NDFIP2: variants seen among roughly 807,000 people sequenced by gnomAD.
NDFIP2 encodes the protein NEDD4 family-interacting protein 2.
Under a neutral mutation model 36.0 loss-of-function variants are expected in NDFIP2, and 19 were observed. That is an observed-to-expected ratio of 0.53 (90% CI 0.37 to 0.77). NDFIP2 has a LOEUF of 0.77. NDFIP2 is among the 30% of genes least tolerant of loss of function. The pLI, the probability that NDFIP2 is intolerant of heterozygous loss-of-function variation, is 0.00. For synonymous variants in NDFIP2, 181 were observed against 167.7 expected, an observed-to-expected ratio of 1.08 and a Z score of -0.61; for missense variants, 446 against 435.8, an observed-to-expected ratio of 1.02 and a Z score of -0.21.
rs2137125394 is a variant in NDFIP2 at position 79,555,447 on chromosome 13, C to T, written c.*2934C>T. On this transcript the variant is annotated 3_prime_UTR_variant, in exon 8 of 8. Coordinates refer to ENST00000218652, the MANE Select transcript of NDFIP2 (RefSeq NM_019080.3). ...TGATCATCCTGTGTATAATTGTAGA[C>T]TGTACCAAGAAGCAACTACCTTAGC... 6.6e-6 allele frequency: 1 copy of T among 151,704 alleles called. No individual in the cohort carries two copies. The highest frequency in any genetic ancestry group is 3.4e-3 in the Middle Eastern group (1 of 294). The allele number at this position is 151,704 out of a possible 1,614,324, so 9.4% of individuals were successfully genotyped here. A position where few individuals can be genotyped will look rare whatever the true frequency, so the allele number is the denominator to read the frequency against.
intron 1 of NDFIP2, among the ~76,000 whole-genome samples, chr13:79,496,943 T>C (rs1873456389): frequency 6.6e-6 from 1 of 152,082 alleles, no homozygotes; most frequent in South Asian, 2.1e-4. Flanking sequence ...AATTTCGCTT[T>C]GTTTCCTGAA....
chr13:79,482,442 T>C (rs1424474290), intron 1 of NDFIP2, among the ~76,000 whole-genome samples: 3 of 152,172 alleles, frequency 2.0e-5, no homozygotes, highest in Non-Finnish European at 4.4e-5. Flanking sequence ...TGAGCAATAG[T>C]TGACTCTGCT....
chr13:79,540,819 A>C lies in NDFIP2; in HGVS notation c.715+1044A>C, dbSNP rs186322938. ...AGCAAGGAGGGCAGACAGCTCCTCA[A>C]ATTTACTAATTGTAATGTTCACGTT... On this transcript the variant is annotated intron_variant, in intron 4 of 7. Transcript: ENST00000218652. Among the ~76,000 whole-genome samples, 4 of 152,306 alleles carry C rather than the reference A, an allele frequency of 2.6e-5. No homozygotes were observed. In the South Asian group the frequency reaches 6.2e-4, roughly 24 times the overall value.
intron 1 of NDFIP2, among the ~76,000 whole-genome samples, chr13:79,514,163 T>G (rs1874181678): frequency 6.6e-6 from 1 of 152,214 alleles, no homozygotes; most frequent in Admixed American, 6.5e-5. Flanking sequence ...ATTAGGTTGG[T>G]GCAAAAGTAA....
At chr13:79,492,550 C>T (rs1325293307) in intron 1 of NDFIP2, among the ~76,000 whole-genome samples, 1 of 152,092 alleles carries the variant, frequency 6.6e-6, no homozygotes, top group African/African-American at 2.4e-5. Flanking sequence ...TACAGGCATG[C>T]ATCACCACGC....
chr13:79,517,826 G>A (rs554122974), intron 1 of NDFIP2, among the ~76,000 whole-genome samples: 2 of 152,216 alleles, frequency 1.3e-5, no homozygotes, highest in East Asian at 1.9e-4. Flanking sequence ...GTCATTCTGG[G>A]GAGCACATTT....
intron 1 of NDFIP2, among the ~76,000 whole-genome samples, chr13:79,499,724 A>G (rs1194743761): frequency 1.3e-5 from 2 of 152,008 alleles, no homozygotes; most frequent in African/African-American, 2.4e-5. Flanking sequence ...AAAATCAACT[A>G]AATAAATGGA....
chr13:79,552,179 T>C (rs1181543144), intron 7 of NDFIP2, among the ~76,000 whole-genome samples: 7 of 151,410 alleles, frequency 4.6e-5, no homozygotes, highest in Admixed American at 4.0e-4. Context: ...GAAGTCGCTT[T>C]TTTATTTTAA....
At chr13:79,539,102 T>C (rs1875360887) in intron 3 of NDFIP2, among the ~76,000 whole-genome samples, 1 of 152,210 alleles carries the variant, frequency 6.6e-6, no homozygotes, top group African/African-American at 2.4e-5. Flanking sequence ...GAGAATTGTC[T>C]CCTAACATAG....
chr13:79,545,937 C>T (rs1299788358), intron 5 of NDFIP2, among the ~76,000 whole-genome samples: 1 of 152,098 alleles, frequency 6.6e-6, no homozygotes, highest in Non-Finnish European at 1.5e-5. Context: ...GGTTTCACCG[C>T]GTTGCCCAGG....
At position 79,551,257 on chromosome 13, in the gene NDFIP2, T is replaced by G. The variant is rs190419099; in HGVS notation, c.*2+135T>G. 42 of 431,280 alleles carry G rather than the reference T, an allele frequency of 9.7e-5. No individual in the cohort carries two copies. The East Asian group carries it at 1.0e-3, about 10-fold the overall frequency. 26.7% of individuals were successfully genotyped at this position (431,280 alleles called of 1,614,324 possible). The stretch of plus-strand genomic sequence containing the variant: ...TAATATTTTTTAATACTGCTAACAG[T>G]CAGCTTATTGAAATTTGATAAGTCA... On this transcript the variant is annotated intron_variant, in intron 7 of 7. Transcript: ENST00000218652.
chr13:79,552,343 T>A (rs1475917431), intron 7 of NDFIP2, among the ~76,000 whole-genome samples, 173 bp from the exon 8 acceptor site: 1 of 151,480 alleles, frequency 6.6e-6, no homozygotes, highest in Non-Finnish European at 1.5e-5. Context: ...ATTTTCTAGA[T>A]GAAAATCTGC....
chr13:79,512,363 C>T (rs1874109490), intron 1 of NDFIP2, among the ~76,000 whole-genome samples: 1 of 151,992 alleles, frequency 6.6e-6, no homozygotes, highest in Non-Finnish European at 1.5e-5. Flanking sequence ...AAAAATGCAT[C>T]GAAGCAGCTT....
intron 2 of NDFIP2, among the ~76,000 whole-genome samples, chr13:79,526,112 G>A (rs1874786280): frequency 6.6e-6 from 1 of 152,150 alleles, no homozygotes; most frequent in South Asian, 2.1e-4. Flanking sequence ...AGGTGCTGGT[G>A]GTGAAGAGTA....
At chr13:79,504,447 G>A (rs1369676729) in intron 1 of NDFIP2, among the ~76,000 whole-genome samples, 4 of 152,108 alleles carry the variant, frequency 2.6e-5, no homozygotes, top group Non-Finnish European at 4.4e-5. Flanking sequence ...AAACAAAGAT[G>A]TTGTCTTATA....
intron 1 of NDFIP2, among the ~76,000 whole-genome samples, chr13:79,518,124 C>G (rs1363210231): frequency 6.6e-6 from 1 of 152,032 alleles, no homozygotes; most frequent in Non-Finnish European, 1.5e-5. Flanking sequence ...TCCTGGGTAC[C>G]ATGTAGTAGG....
At chr13:79,533,560 A>C (rs560349846) in intron 3 of NDFIP2, 104 bp downstream of exon 3, 1 of 1,095,008 alleles carries the variant, frequency 9.1e-7, no homozygotes, top group South Asian at 2.0e-5. Flanking sequence ...GTGTATGTAG[A>C]TTTTTTTTGA....
chr13:79,497,795 GGTGT>G (rs769463873), intron 1 of NDFIP2, among the ~76,000 whole-genome samples: 5,025 of 128,926 alleles, frequency 0.039, 118 homozygotes, highest in Non-Finnish European at 0.059. Flanking sequence ...ATCTGTGGGG[GGTGT>G]GTGTGTGTGT....
intron 2 of NDFIP2, among the ~76,000 whole-genome samples, chr13:79,521,823 CTTTTT>C (rs577691451): frequency 7.7e-6 from 1 of 130,492 alleles, no homozygotes; most frequent in African/African-American, 2.8e-5. Flanking sequence ...TTTCGTTTTG[CTTTTT>C]TTTTTTTTTT....
Sources: allele counts gnomAD v4.1 joint callset (sites outside exome capture counted in the v4.1 genomes callset), GRCh38; gene constraint gnomAD v4.1.1; transcripts MANE v1.5; gene names NCBI Gene and HGNC (gene_info 2026-07-23, HGNC 2026-07-21).